The following RGS6 variants were observed in gnomAD, a reference collection of about 807,000 sequenced individuals.
RGS6 encodes the protein regulator of G-protein signaling 6.
Under a neutral mutation model 78.5 loss-of-function variants are expected in RGS6, and 30 were observed. The ratio of observed to expected loss-of-function variants is 0.38; its 90% CI spans 0.29 to 0.52. The LOEUF (loss-of-function observed/expected upper bound fraction) is 0.52. RGS6 is among the 20% of genes least tolerant of loss of function. The pLI is 0.85. For missense variants in RGS6, 495 were observed against 609.7 expected (o/e 0.81, Z 1.98); for synonymous variants, 206 against 206.0 (o/e 1.00, Z 0.00).
chr14:72,552,485 T>A (rs139374056), intron 17 of RGS6: 54 of 152,370 alleles, frequency 3.5e-4, no homozygotes, highest in African/African-American at 1.3e-3. Flanking sequence ...AGGTGCCTCC[T>A]GCTACCAGAG....
intron 2 of RGS6, among the ~76,000 whole-genome samples, chr14:72,011,891 G>GAT (rs2085831546): frequency 6.6e-6 from 1 of 152,124 alleles, no homozygotes; most frequent in South Asian, 2.1e-4. Flanking sequence ...GTTTGTGGAT[G>GAT]ATAGTCCATT....
chr14:71,919,174 G>GT, the RGS6 span, among the ~76,000 whole-genome samples: 2 of 152,178 alleles, frequency 1.3e-5, no homozygotes, highest in Non-Finnish European at 1.5e-5. Context: ...ACGGCTTCTG[G>GT]TAAGGACTCA....
At chr14:72,479,776 G>C (rs960680092) in intron 12 of RGS6, among the ~76,000 whole-genome samples, 1 of 152,178 alleles carries the variant, frequency 6.6e-6, no homozygotes, top group African/African-American at 2.4e-5. Flanking sequence ...GCCCCAGAAA[G>C]GTGGCTGTGA....
intron 2 of RGS6, among the ~76,000 whole-genome samples, chr14:72,286,972 C>G (rs185463834): frequency 6.6e-6 from 1 of 152,072 alleles, no homozygotes; most frequent in Non-Finnish European, 1.5e-5. Context: ...TTAGTAGAGA[C>G]GGGGTTTCAC....
the RGS6 span, among the ~76,000 whole-genome samples, chr14:71,918,184 C>CAAAAAAAAAAAAA: frequency 5.9e-4 from 20 of 33,724 alleles, 5 homozygotes; most frequent in South Asian, 1.9e-3. Context: ...ACTCCAGTCT[C>CAAAAAAAAAAAAA]AAAAAAAAAA....
In RGS6 at chr14:72,286,973, G is replaced by A. The variant is rs1159126225; in HGVS notation, c.85-65122G>A. Among the ~76,000 whole-genome samples the A allele has an allele frequency of 5.9e-5, 9 of 152,140 alleles. 1 individual carries two copies. The highest frequency in any genetic ancestry group is 6.5e-5 in the Admixed American group (1 of 15,278). Reference sequence around the variant, plus strand: ...TAATTTTTGTGTTTTTAGTAGAGACGGGGTTTCACCATGTTGGCCAGGCTG... The same window carrying A: ...TAATTTTTGTGTTTTTAGTAGAGACAGGGTTTCACCATGTTGGCCAGGCTG... On this transcript the variant is annotated intron_variant, in intron 2 of 17. Coordinates refer to ENST00000553525, the MANE Select transcript of RGS6 (RefSeq NM_001204424.2).
At chr14:72,539,943 T>C (rs2097299620) in intron 16 of RGS6, 98 bp from the exon 17 acceptor site, 1 of 1,104,334 alleles carries the variant, frequency 9.1e-7, no homozygotes. Flanking sequence ...GTTTTTGTTA[T>C]TCTTTAGCTG....
the RGS6 span, among the ~76,000 whole-genome samples, chr14:72,583,101 C>T: frequency 2.0e-5 from 3 of 152,174 alleles, no homozygotes; most frequent in Non-Finnish European, 4.4e-5. Flanking sequence ...TCCAGGATCT[C>T]CAGCATTCAG....
intron 3 of RGS6, among the ~76,000 whole-genome samples, chr14:72,432,067 T>G (rs749047221): frequency 8.5e-5 from 13 of 152,182 alleles, no homozygotes; most frequent in Non-Finnish European, 1.8e-4. Flanking sequence ...CAGTAGAAGC[T>G]AGAAATCTTA....
intron 2 of RGS6, among the ~76,000 whole-genome samples, chr14:72,224,409 C>T (rs2047606891): frequency 6.6e-6 from 1 of 150,584 alleles, no homozygotes; most frequent in Non-Finnish European, 1.5e-5. Context: ...ACAGCCAGAC[C>T]CTATCTCAAA....
intron 2 of RGS6, among the ~76,000 whole-genome samples, chr14:71,968,883 T>A (rs1475954530): frequency 1.3e-5 from 2 of 152,230 alleles, no homozygotes; most frequent in Admixed American, 1.3e-4. Flanking sequence ...CGTGCAGGTT[T>A]GTTACATATG....
intron 2 of RGS6, among the ~76,000 whole-genome samples, chr14:71,984,323 C>T (rs79454962): frequency 1.0e-4 from 12 of 120,386 alleles, no homozygotes; most frequent in East Asian, 2.4e-4. Context: ...AAAAAAAAAA[C>T]AAAGCTGTTA....
intron 2 of RGS6, among the ~76,000 whole-genome samples, chr14:72,122,741 T>A (rs12588210): frequency 1.7e-3 from 186 of 110,458 alleles, no homozygotes; most frequent in African/African-American, 7.0e-3. Flanking sequence ...TAAGTTATCG[T>A]TTTTTTTTTT....
chr14:72,473,344 T>C (rs931848738), intron 9 of RGS6, among the ~76,000 whole-genome samples: 1 of 152,126 alleles, frequency 6.6e-6, no homozygotes, highest in Non-Finnish European at 1.5e-5. Context: ...CTCGGGAGGC[T>C]GAGGCAGGAG....
At chr14:72,211,696 A>T (rs1472853479) in intron 2 of RGS6, among the ~76,000 whole-genome samples, 1 of 152,198 alleles carries the variant, frequency 6.6e-6, no homozygotes, top group Non-Finnish European at 1.5e-5. Context: ...ATCTTAGAAT[A>T]GACTTGGGAT....
intron 2 of RGS6, among the ~76,000 whole-genome samples, chr14:72,222,821 C>G (rs1205749225): frequency 2.0e-5 from 3 of 152,338 alleles, no homozygotes; most frequent in East Asian, 3.9e-4. Flanking sequence ...ATTTTCTTTA[C>G]TATGGATGCC....
chr14:72,382,252 CAACA>C (rs1382428288), intron 3 of RGS6, among the ~76,000 whole-genome samples: 2 of 151,528 alleles, frequency 1.3e-5, no homozygotes, highest in African/African-American at 2.4e-5. Flanking sequence ...ATTGAGAAAA[CAACA>C]AACAATGCCA....
chr14:72,391,443 C>T (rs1163055471), intron 3 of RGS6, among the ~76,000 whole-genome samples: 8 of 152,178 alleles, frequency 5.3e-5, no homozygotes, highest in Non-Finnish European at 1.2e-4. Flanking sequence ...GGCAAGGTAC[C>T]TGTGTGCCAT....
intron 2 of RGS6, among the ~76,000 whole-genome samples, chr14:72,200,221 A>G (rs2041179196): frequency 6.6e-6 from 1 of 152,168 alleles, no homozygotes; most frequent in Non-Finnish European, 1.5e-5. Flanking sequence ...AGGATGCTAG[A>G]AGCTAGCAAG....
Sources: gnomAD v4.1 joint callset for allele counts (sites outside exome capture counted in the v4.1 genomes callset) on GRCh38, gnomAD v4.1.1 for gene constraint, MANE v1.5 for transcripts, NCBI Gene and HGNC (gene_info 2026-07-23, HGNC 2026-07-21) for gene names.